Variants in SLC4A4 observed in about 807,000 individuals in gnomAD.
The protein encoded by SLC4A4 is electrogenic sodium bicarbonate cotransporter 1.
A neutral mutation model predicts 111.5 loss-of-function variants in SLC4A4; 27 were observed. The ratio of observed to expected loss-of-function variants is 0.24; its 90% CI spans 0.18 to 0.33. The LOEUF is 0.33. SLC4A4 is among the 10% of genes least tolerant of loss of function. The probability of loss-of-function intolerance (pLI) is 1.00; values close to 1 mark genes in which losing one functional copy is unlikely to be tolerated. For synonymous variants in SLC4A4, 443 were observed against 463.4 expected (o/e 0.96, Z 0.57); for missense variants, 909 against 1,315.5 (o/e 0.69, Z 4.78).
chr4:71,385,839 G>A (rs771104805), intron 6 of SLC4A4, among the ~76,000 whole-genome samples: 1 of 152,024 alleles, frequency 6.6e-6, no homozygotes, highest in African/African-American at 2.4e-5. Flanking sequence ...CCTGCTTTAC[G>A]AGACTGATTG....
At chr4:71,451,076 T>C (rs1163432418) in intron 10 of SLC4A4, 112 bp from the exon 11 acceptor site, 3 of 747,888 alleles carry the variant, frequency 4.0e-6, no homozygotes, top group Non-Finnish European at 4.8e-6. Context: ...AATAACAATC[T>C]TTCACCTTAA....
intron 7 of SLC4A4, among the ~76,000 whole-genome samples, chr4:71,427,876 C>T (rs1054080647): frequency 1.3e-5 from 2 of 152,082 alleles, no homozygotes; most frequent in African/African-American, 2.4e-5. Context: ...ATAGTTGGGC[C>T]TATGAAACAG....
intron 6 of SLC4A4, among the ~76,000 whole-genome samples, chr4:71,370,968 G>A (rs750445929): frequency 3.9e-5 from 6 of 152,154 alleles, no homozygotes; most frequent in Non-Finnish European, 5.9e-5. Context: ...TTTATGTGAT[G>A]TAATCTCTCC....
chr4:71,318,721 C>G (rs192726170), intron 3 of SLC4A4, among the ~76,000 whole-genome samples: 87 of 151,522 alleles, frequency 5.7e-4, no homozygotes, highest in East Asian at 2.1e-3. Flanking sequence ...TTTGAGTATA[C>G]AAGACAGAAG....
chr4:71,305,630 A>G (rs536095083), intron 3 of SLC4A4, among the ~76,000 whole-genome samples: 12 of 152,300 alleles, frequency 7.9e-5, no homozygotes, highest in African/African-American at 2.4e-4. Context: ...TACCACTAGC[A>G]CACTGTGAAT....
intron 4 of SLC4A4, among the ~76,000 whole-genome samples, chr4:71,343,168 G>A (rs1349431626): frequency 1.3e-5 from 2 of 152,120 alleles, no homozygotes; most frequent in Non-Finnish European, 2.9e-5. Context: ...GTGATTGGTT[G>A]AGAACTGATT....
intron 6 of SLC4A4, among the ~76,000 whole-genome samples, chr4:71,371,967 C>A (rs967991556): frequency 6.6e-6 from 1 of 152,172 alleles, no homozygotes; most frequent in African/African-American, 2.4e-5. Context: ...ATATGGTTTA[C>A]TTGTAAAAAC....
At chr4:71,177,306 A>G (rs1359658848) in intron 2 of SLC4A4, among the ~76,000 whole-genome samples, 1 of 152,218 alleles carries the variant, frequency 6.6e-6, no homozygotes, top group Non-Finnish European at 1.5e-5. Context: ...TCATAATGAC[A>G]GGATCAAATT....
chr4:71,404,635 G>T (rs13149863), intron 7 of SLC4A4, among the ~76,000 whole-genome samples: 21,806 of 152,092 alleles, frequency 0.14, 1,873 homozygotes, highest in South Asian at 0.29. Flanking sequence ...CACATCACAA[G>T]TTACTTACAT....
chr4:71,082,832 T>A (rs1036029521), intron 1 of SLC4A4, among the ~76,000 whole-genome samples: 1 of 151,374 alleles, frequency 6.6e-6, no homozygotes, highest in African/African-American at 2.4e-5. Flanking sequence ...GAAGTAAGGA[T>A]TTTTTTCTTC....
At chr4:71,298,453 A>G (rs1724977477) in intron 3 of SLC4A4, among the ~76,000 whole-genome samples, 1 of 152,238 alleles carries the variant, frequency 6.6e-6, no homozygotes, top group Non-Finnish European at 1.5e-5. Context: ...ATTAAGGTTG[A>G]TGGTGTTTTA....
At chr4:71,431,200 T>C (rs1723615525) in intron 7 of SLC4A4, among the ~76,000 whole-genome samples, 1 of 113,278 alleles carries the variant, frequency 8.8e-6, no homozygotes, top group Non-Finnish European at 2.2e-5. Flanking sequence ...TAAAAATGAA[T>C]AAAAATGATA....
intron 3 of SLC4A4, among the ~76,000 whole-genome samples, chr4:71,320,411 C>G (rs934858061): frequency 6.6e-6 from 1 of 151,924 alleles, no homozygotes; most frequent in African/African-American, 2.4e-5. Context: ...TGGCTTATCT[C>G]GTTCATCAGG....
rs536148136 is a variant in SLC4A4 at position 71,084,836 on chromosome 4, G to C, written c.-64-7894G>C. Among the ~76,000 whole-genome samples, 484 of 152,050 alleles carry C rather than the reference G, an allele frequency of 3.2e-3. 1 individual carries two copies. The highest frequency in any genetic ancestry group is 5.5e-3 in the Non-Finnish European group (374 of 68,016). On this transcript the variant is annotated intron_variant, in intron 1 of 26. Transcript: ENST00000649996. ...ACATTTGGGTTGGTTCCAAGTCTTT[G>C]CTATTGTGAATAGTGCCACAATAAA...
intron 16 of SLC4A4, among the ~76,000 whole-genome samples, chr4:71,524,756 T>A (rs893187649): frequency 6.6e-6 from 1 of 152,150 alleles, no homozygotes; most frequent in Admixed American, 6.6e-5. Context: ...GCCATAATTG[T>A]CTGGCATAAT....
intron 2 of SLC4A4, among the ~76,000 whole-genome samples, chr4:71,110,798 G>C (rs1193980396): frequency 6.6e-6 from 1 of 151,980 alleles, no homozygotes; most frequent in Non-Finnish European, 1.5e-5. Flanking sequence ...CTTTGTAATG[G>C]GCTCTTCAGT....
At chr4:71,120,324 C>T (rs1743379200) in intron 2 of SLC4A4, among the ~76,000 whole-genome samples, 1 of 152,174 alleles carries the variant, frequency 6.6e-6, no homozygotes, top group Non-Finnish European at 1.5e-5. Context: ...TCTTGTTCCA[C>T]CAGGGTGATA....
chr4:71,248,127 G>T (rs1043448845), intron 2 of SLC4A4, among the ~76,000 whole-genome samples: 5 of 152,084 alleles, frequency 3.3e-5, no homozygotes, highest in Non-Finnish European at 4.4e-5. Flanking sequence ...GTTAAGAATA[G>T]GTCTGAGGTT....
At chr4:71,282,615 C>G (rs1305898143) in intron 3 of SLC4A4, among the ~76,000 whole-genome samples, 1 of 150,340 alleles carries the variant, frequency 6.7e-6, no homozygotes, top group Non-Finnish European at 1.5e-5. Context: ...CAAGGTCTCA[C>G]TCTATTGTCT....
Sources: gnomAD v4.1 joint callset for allele counts (sites outside exome capture counted in the v4.1 genomes callset) on GRCh38, gnomAD v4.1.1 for gene constraint, MANE v1.5 for transcripts, NCBI Gene and HGNC (gene_info 2026-07-23, HGNC 2026-07-21) for gene names.